Variants in RNF157 observed in about 807,000 individuals in gnomAD.
RNF157 encodes the protein ring finger protein 157, also known as E3 ubiquitin ligase RNF157.
In RNF157, 55 loss-of-function variants were observed where a neutral mutation model predicts 88.3. The observed-to-expected ratio is 0.62, with a 90% CI of 0.50 to 0.78. The LOEUF is 0.78. Ranked by LOEUF, RNF157 falls within the 30% of genes least tolerant of loss-of-function variation. The pLI is 0.00. For missense variants in RNF157, 788 were observed against 860.8 expected, an observed-to-expected ratio of 0.92 and a Z score of 1.06; for synonymous variants, 334 against 341.2, an observed-to-expected ratio of 0.98 and a Z score of 0.23.
At chr17:76,167,822 T>C in intron 3 of RNF157, 25 bp from the exon 4 acceptor site, 1 of 1,604,476 alleles carries the variant, frequency 6.2e-7, no homozygotes, top group Non-Finnish European at 8.5e-7. Context: ...ACTCAGCATT[T>C]GCAGAGTAGC....
intron 3 of RNF157, among the ~76,000 whole-genome samples, chr17:76,169,579 G>GTTTTT (rs558817508): frequency 7.5e-6 from 1 of 133,512 alleles, no homozygotes; most frequent in African/African-American, 2.8e-5. Flanking sequence ...GCCTAGTTAG[G>GTTTTT]TTTTTTTTTT....
chr17:76,194,881 G>A (rs572503689), intron 2 of RNF157, among the ~76,000 whole-genome samples: 3 of 152,248 alleles, frequency 2.0e-5, no homozygotes, highest in East Asian at 1.9e-4. Flanking sequence ...CAGGCGTGGT[G>A]GCGGGCGCCT....
chr17:76,143,269 C>T lies in RNF157; in HGVS notation c.*1966G>A, dbSNP rs2068540516. On this transcript the variant is annotated 3_prime_UTR_variant, in exon 19 of 19. Transcript: ENST00000269391. ...CCTGCTGCGAGGAAGGACAGGGATC[C>T]TCAGGAAGGGGGTCCTGGCCACTGT... 1 of 152,242 alleles carries T rather than the reference C, an allele frequency of 6.6e-6. No homozygotes were observed. Among genetic ancestry groups the T allele is most frequent in the African/African-American group, 2.4e-5 (1 of 41,430 alleles). 9.4% of individuals were successfully genotyped at this position (152,242 alleles called of 1,614,324 possible). A position where few individuals can be genotyped will look rare whatever the true frequency, so the allele number is the denominator to read the frequency against.
intron 2 of RNF157, among the ~76,000 whole-genome samples, chr17:76,208,388 C>T (rs2069718354): frequency 6.6e-6 from 1 of 152,156 alleles, no homozygotes; most frequent in South Asian, 2.1e-4. Flanking sequence ...CAATCCTGAT[C>T]CCTTACAGGC....
chr17:76,198,281 G>C (rs540765608), intron 2 of RNF157, among the ~76,000 whole-genome samples: 5,767 of 152,144 alleles, frequency 0.038, 362 homozygotes, highest in African/African-American at 0.13. Flanking sequence ...GTTGATACAG[G>C]GACATTCTCT....
At chr17:76,205,361 T>C (rs1166173009) in intron 2 of RNF157, among the ~76,000 whole-genome samples, 2 of 151,742 alleles carry the variant, frequency 1.3e-5, no homozygotes, top group Admixed American at 6.6e-5. Context: ...CTCAAACTTC[T>C]GGCCTCAAGT....
chr17:76,221,981 G>C (rs575631724), intron 1 of RNF157, among the ~76,000 whole-genome samples: 24 of 152,350 alleles, frequency 1.6e-4, no homozygotes, highest in Admixed American at 1.5e-3. Flanking sequence ...AATCCACAGA[G>C]AGAGTAGACT....
At chr17:76,192,984 G>A (rs1722523274) in intron 2 of RNF157, among the ~76,000 whole-genome samples, 1 of 151,852 alleles carries the variant, frequency 6.6e-6, no homozygotes, top group Non-Finnish European at 1.5e-5. Context: ...ACCACACCTA[G>A]CTAATTTTTG....
chr17:76,172,948 C>T (rs2069041217), intron 3 of RNF157, among the ~76,000 whole-genome samples: 1 of 152,014 alleles, frequency 6.6e-6, no homozygotes, highest in Non-Finnish European at 1.5e-5. Context: ...CAACCCAGTG[C>T]ACTATGAGTT....
At chr17:76,194,786 T>A (rs62090131) in intron 2 of RNF157, among the ~76,000 whole-genome samples, 2 of 151,926 alleles carry the variant, frequency 1.3e-5, no homozygotes, top group Admixed American at 6.6e-5. Flanking sequence ...GAGGCCAAGG[T>A]GGGCAGATCA....
At chr17:76,212,542 A>T (rs567657222) in intron 1 of RNF157, 60 bp from the exon 2 acceptor site, 15 of 589,588 alleles carry the variant, frequency 2.5e-5, no homozygotes, top group African/African-American at 2.2e-4. Context: ...TAAATCTAGT[A>T]AAAAAAAAAA....
intron 1 of RNF157, among the ~76,000 whole-genome samples, chr17:76,239,337 C>G (rs1404001687): frequency 1.3e-5 from 2 of 152,286 alleles, no homozygotes; most frequent in Middle Eastern, 3.4e-3. Flanking sequence ...AATGCTGATA[C>G]CACAATCCAG....
At chr17:76,194,028 A>C (rs1454472642) in intron 2 of RNF157, among the ~76,000 whole-genome samples, 1 of 152,124 alleles carries the variant, frequency 6.6e-6, no homozygotes, top group East Asian at 1.9e-4. Context: ...ATTTCTATTA[A>C]TCACCTCTTT....
chr17:76,154,955 T>C (rs960108161), intron 16 of RNF157, among the ~76,000 whole-genome samples: 1 of 152,166 alleles, frequency 6.6e-6, no homozygotes, highest in Non-Finnish European at 1.5e-5. Flanking sequence ...TAAATACTAG[T>C]GGAATGAAGG....
At chr17:76,186,091 G>A (rs539321723) in intron 2 of RNF157, among the ~76,000 whole-genome samples, 1 of 152,158 alleles carries the variant, frequency 6.6e-6, no homozygotes, top group South Asian at 2.1e-4. Context: ...CTAAGGGCAA[G>A]AGGACCAAAA....
At chr17:76,159,712 C>A in intron 11 of RNF157, 139 bp from the exon 12 acceptor site, 1 of 641,208 alleles carries the variant, frequency 1.6e-6, no homozygotes, top group Non-Finnish European at 2.7e-6. Context: ...GTACTAGAGG[C>A]AGAGATAAAA....
At chr17:76,207,479 G>GCGAA (rs1568063491) in intron 2 of RNF157, among the ~76,000 whole-genome samples, 1 of 152,054 alleles carries the variant, frequency 6.6e-6, no homozygotes, top group Admixed American at 6.6e-5. Context: ...GATCTGTGGT[G>GCGAA]CGAAGTACAG....
At chr17:76,168,739 A>T (rs185707539) in intron 3 of RNF157, among the ~76,000 whole-genome samples, 19 of 151,940 alleles carry the variant, frequency 1.3e-4, no homozygotes, top group African/African-American at 3.4e-4. Flanking sequence ...TTATTCTTTC[A>T]TATCGGTGGA....
At chr17:76,219,925 CAGAG>C (rs935032109) in intron 1 of RNF157, among the ~76,000 whole-genome samples, 9 of 151,876 alleles carry the variant, frequency 5.9e-5, no homozygotes, top group Non-Finnish European at 1.5e-5. Context: ...TATTGAGAAT[CAGAG>C]AGAAAGTTAA....
Sources: allele counts gnomAD v4.1 joint callset (sites outside exome capture counted in the v4.1 genomes callset), GRCh38; gene constraint gnomAD v4.1.1; transcripts MANE v1.5; gene names NCBI Gene and HGNC (gene_info 2026-07-23, HGNC 2026-07-21).